Variants in LNPK observed in about 807,000 individuals in gnomAD.
The protein encoded by LNPK is lunapark, ER junction formation factor.
Under a neutral mutation model 55.2 loss-of-function variants are expected in LNPK, and 29 were observed. That is an observed-to-expected ratio of 0.53 (90% confidence interval 0.39 to 0.72). The LOEUF is 0.72. LNPK is among the 30% of genes least tolerant of loss of function. The probability of loss-of-function intolerance (pLI) is 0.00; values close to 1 mark genes in which losing one functional copy is unlikely to be tolerated. For missense variants in LNPK, 467 were observed against 494.8 expected, an observed-to-expected ratio of 0.94 and a Z score of 0.53; for synonymous variants, 162 against 168.2, an observed-to-expected ratio of 0.96 and a Z score of 0.29.
chr2:175,992,485 A>C, intron 3 of LNPK, 67 bp from the exon 4 acceptor site: 1 of 975,890 alleles, frequency 1.0e-6, no homozygotes, highest in South Asian at 2.2e-5. Flanking sequence ...AATGTTAAAA[A>C]ATTTTAGCAG....
chr2:175,983,410 G>T (rs946909971), intron 4 of LNPK, among the ~76,000 whole-genome samples: 2 of 152,098 alleles, frequency 1.3e-5, no homozygotes, highest in African/African-American at 4.8e-5. Flanking sequence ...AGTTAGCCTG[G>T]AACACAGGAA....
chr2:175,969,484 T>C (rs577525168), intron 6 of LNPK, among the ~76,000 whole-genome samples: 3 of 152,226 alleles, frequency 2.0e-5, no homozygotes, highest in Non-Finnish European at 4.4e-5. Context: ...GCCAGTGACA[T>C]TGGGCTGCTT....
intron 8 of LNPK, among the ~76,000 whole-genome samples, chr2:175,958,521 C>A (rs1685816358): frequency 6.6e-6 from 1 of 151,312 alleles, no homozygotes. Context: ...GGAATAGTAT[C>A]AACATCAACA....
At chr2:175,955,689 T>C (rs1231821758) in intron 8 of LNPK, among the ~76,000 whole-genome samples, 2 of 152,178 alleles carry the variant, frequency 1.3e-5, no homozygotes, top group African/African-American at 4.8e-5. Context: ...ATATAAAGTA[T>C]TGCTCCATTT....
chr2:175,997,740 A>AGTGTGTGT (rs1559079701), intron 1 of LNPK, among the ~76,000 whole-genome samples: 2 of 52,870 alleles, frequency 3.8e-5, no homozygotes, highest in African/African-American at 1.3e-4. Flanking sequence ...TGTGTGTATA[A>AGTGTGTGT]ATATAATTTT....
intron 6 of LNPK, among the ~76,000 whole-genome samples, chr2:175,969,358 G>A (rs1372587120): frequency 1.3e-5 from 2 of 152,128 alleles, no homozygotes; most frequent in African/African-American, 2.4e-5. Flanking sequence ...TATTTAAAAA[G>A]TAGTAAATAG....
intron 1 of LNPK, among the ~76,000 whole-genome samples, chr2:176,001,015 C>A (rs1170512448): frequency 2.0e-5 from 3 of 152,118 alleles, no homozygotes; most frequent in Non-Finnish European, 2.9e-5. Context: ...CATATAACTT[C>A]TCCTTTTCTT....
intron 1 of LNPK, among the ~76,000 whole-genome samples, chr2:175,995,959 C>A (rs372845128): frequency 1.3e-5 from 2 of 151,654 alleles, no homozygotes; most frequent in East Asian, 1.9e-4. Context: ...ACTACAGGTG[C>A]GCACCACTAT....
chr2:175,934,312 C>A (rs1684434753), intron 12 of LNPK, among the ~76,000 whole-genome samples: 1 of 152,008 alleles, frequency 6.6e-6, no homozygotes, highest in South Asian at 2.1e-4. Context: ...TCAGCGCAAC[C>A]TAATGGTAAC....
chr2:175,984,181 C>CT (rs11389621), intron 4 of LNPK, among the ~76,000 whole-genome samples: 37,969 of 146,252 alleles, frequency 0.26, 5,122 homozygotes, highest in South Asian at 0.42. Flanking sequence ...CAACAAAGAA[C>CT]TTTTTTTTTT....
intron 9 of LNPK, among the ~76,000 whole-genome samples, chr2:175,945,449 G>A (rs1351535366): frequency 6.9e-6 from 1 of 145,264 alleles, no homozygotes; most frequent in African/African-American, 2.6e-5. Flanking sequence ...AGGTTGCAGT[G>A]AGCCAAGATC....
chr2:175,936,306 T>C (rs1684543436), intron 12 of LNPK, among the ~76,000 whole-genome samples: 1 of 152,024 alleles, frequency 6.6e-6, no homozygotes, highest in Admixed American at 6.6e-5. Flanking sequence ...CTCTTCAAAG[T>C]TAAAAAAAAA....
intron 9 of LNPK, chr2:175,941,200 A>G (rs1684822259): frequency 7.0e-6 from 2 of 287,204 alleles, no homozygotes; most frequent in Non-Finnish European, 1.4e-5. Context: ...GCAGTGAGCC[A>G]TGATCGTACC....
chr2:175,997,037 C>G (rs1051796383), intron 1 of LNPK, among the ~76,000 whole-genome samples: 8 of 152,082 alleles, frequency 5.3e-5, no homozygotes, highest in Non-Finnish European at 1.0e-4. Flanking sequence ...CAAAATAATA[C>G]CAGTATCAAG....
At chr2:175,958,582 C>T (rs1574847383) in intron 8 of LNPK, among the ~76,000 whole-genome samples, 1 of 152,256 alleles carries the variant, frequency 6.6e-6, no homozygotes, top group East Asian at 1.9e-4. Flanking sequence ...TCATCAAATA[C>T]CAAAGGTAGA....
At chr2:175,971,860 T>C (rs1278625448) in intron 5 of LNPK, among the ~76,000 whole-genome samples, 2 of 152,190 alleles carry the variant, frequency 1.3e-5, no homozygotes, top group African/African-American at 4.8e-5. Context: ...AGCAAACTTA[T>C]TCTGTAAAGG....
intron 4 of LNPK, among the ~76,000 whole-genome samples, chr2:175,988,867 G>T (rs528422609): frequency 6.6e-6 from 1 of 152,072 alleles, no homozygotes; most frequent in African/African-American, 2.4e-5. Context: ...TCTGCCTCCC[G>T]GGTTCACGCC....
At position 175,945,510 on chromosome 2, in the gene LNPK, GAAAAAAAAAA is replaced by G. The variant is rs758611547; in HGVS notation, c.706+1960_706+1969del. Among the ~76,000 whole-genome samples, 12 of 105,086 alleles carry G rather than the reference GAAAAAAAAAA, an allele frequency of 1.1e-4. 1 individual carries two copies. Among genetic ancestry groups the G allele is most frequent in the African/African-American group, 3.5e-4 (10 of 28,504 alleles). 68.9% of individuals were successfully genotyped at this position (105,086 alleles called of 152,430 possible). The stretch of plus-strand genomic sequence containing the variant: ...AACAGAACAAGACTGTGTCTCAAAA[GAAAAAAAAAA>G]AAAAAAAAAAGATTCCATCAGCTAA... On this transcript the variant is annotated intron_variant, in intron 9 of 12. Transcript: ENST00000272748.
At chr2:175,957,372 T>C (rs368990094) in intron 8 of LNPK, among the ~76,000 whole-genome samples, 2 of 151,224 alleles carry the variant, frequency 1.3e-5, no homozygotes, top group Admixed American at 6.6e-5. Flanking sequence ...AAAGAAAACA[T>C]CTCAAAAAAA....
Sources: allele counts gnomAD v4.1 joint callset (sites outside exome capture counted in the v4.1 genomes callset), GRCh38; gene constraint gnomAD v4.1.1; transcripts MANE v1.5; gene names NCBI Gene and HGNC (gene_info 2026-07-23, HGNC 2026-07-21).